EMX2: variants seen among roughly 807,000 people sequenced by gnomAD.
The protein encoded by EMX2 is homeobox protein EMX2.
Under a neutral mutation model 23.0 loss-of-function variants are expected in EMX2, and 6 were observed. The ratio of observed to expected loss-of-function variants is 0.26; its 90% CI spans 0.14 to 0.52. The LOEUF (loss-of-function observed/expected upper bound fraction) is 0.52, where lower values mean the gene tolerates loss of function less well. Ranked by LOEUF, EMX2 falls within the 20% of genes least tolerant of loss-of-function variation. The pLI, the probability that EMX2 is intolerant of heterozygous loss-of-function variation, is 0.97. For synonymous variants in EMX2, 175 were observed against 153.3 expected (o/e 1.14, Z -1.04); for missense variants, 302 against 341.4 (o/e 0.88, Z 0.91).
At chr10:117,547,752 C>T (rs949885424) in intron 2 of EMX2, among the ~76,000 whole-genome samples, 30 of 152,216 alleles carry the variant, frequency 2.0e-4, no homozygotes, top group African/African-American at 7.2e-4. Flanking sequence ...AGGCTTTGCT[C>T]TCAGCGGGAT....
intron 2 of EMX2, 151 bp downstream of exon 2, chr10:117,545,967 C>T (rs1846573483): frequency 8.8e-7 from 1 of 1,140,408 alleles, no homozygotes; most frequent in South Asian, 1.4e-5. Flanking sequence ...GGATGTATGT[C>T]TCAAGGTGCT....
intron 1 of EMX2, 101 bp from the exon 2 acceptor site, chr10:117,545,531 A>G: frequency 6.9e-7 from 1 of 1,446,624 alleles, no homozygotes; most frequent in South Asian, 1.2e-5. Context: ...CGGCTATGCG[A>G]AGGCCCTGAG....
intron 1 of EMX2, 122 bp downstream of exon 1, chr10:117,543,795 C>A (rs1363729193): frequency 6.7e-7 from 1 of 1,496,666 alleles, no homozygotes; most frequent in Non-Finnish European, 9.2e-7. Flanking sequence ...CGCGGGCCAG[C>A]GCGCCCTGTT....
chr10:117,547,969 T>A, intron 2 of EMX2, 96 bp from the exon 3 acceptor site: 2 of 1,514,684 alleles, frequency 1.3e-6, no homozygotes. Flanking sequence ...CTTTGCTGAG[T>A]CTGGAACTGG....
At chr10:117,546,474 G>C (rs913061016) in intron 2 of EMX2, among the ~76,000 whole-genome samples, 3 of 152,146 alleles carry the variant, frequency 2.0e-5, no homozygotes, top group Non-Finnish European at 2.9e-5. Flanking sequence ...TACTGTACAC[G>C]GAGCCGCAGG....
Position 117,543,293 on chromosome 10 carries a change from G to T in EMX2, c.26G>T (p.Cys9Phe). MFQPAPKR[C>F]FTIESLVAKD... ...ATGTTCCAGCCGGCGCCCAAGCGCT[G>T]CTTCACCATCGAGTCGCTGGTGGCC... The change falls in exon 1 of 3, where the codon TGC (cysteine) becomes TTC (phenylalanine). Residue 9 changes from cysteine to phenylalanine, a missense_variant. This residue lies in a region of EMX2 where 221 missense variants were observed against 206.8 expected (regional missense o/e 1.07). Transcript: ENST00000553456. 6.5e-7 allele frequency: 1 copy of T among 1,549,618 alleles called. No homozygotes were observed. Among genetic ancestry groups the T allele is most frequent in the Non-Finnish European group, 8.7e-7 (1 of 1,146,590 alleles).
intron 2 of EMX2, among the ~76,000 whole-genome samples, chr10:117,546,631 C>T (rs1030815850): frequency 6.6e-6 from 1 of 152,334 alleles, no homozygotes; most frequent in South Asian, 2.1e-4. Flanking sequence ...CGGGTTTGTG[C>T]GGAGCCCGGC....
intron 1 of EMX2, 99 bp downstream of exon 1, chr10:117,543,772 G>T: frequency 6.3e-7 from 1 of 1,582,390 alleles, no homozygotes; most frequent in Middle Eastern, 1.7e-4. Context: ...CCTGGGCGGA[G>T]GTTCCTCCGG....
At chr10:117,546,835 C>G (rs1233363315) in intron 2 of EMX2, among the ~76,000 whole-genome samples, 3 of 152,260 alleles carry the variant, frequency 2.0e-5, no homozygotes, top group East Asian at 3.8e-4. Flanking sequence ...AAATTAAATT[C>G]AGCCTTGTTC....
chr10:117,543,999 G>A (rs911055514), intron 1 of EMX2, among the ~76,000 whole-genome samples: 2 of 152,198 alleles, frequency 1.3e-5, no homozygotes, highest in Non-Finnish European at 2.9e-5. Context: ...CAGAGCCCGC[G>A]GGATCCCCAG....
In EMX2 at chr10:117,543,280, G is replaced by C. The variant is rs371549541; in HGVS notation, c.13G>C (p.Ala5Pro). 7.8e-6 allele frequency: 12 copies of C among 1,548,030 alleles called. No homozygotes were observed. The East Asian group carries it at 1.2e-4, about 16-fold the overall frequency. The change falls in exon 1 of 3, where the codon GCG becomes CCG. Residue 5 changes from alanine to proline, a missense_variant. Ala to Pro is a conservative substitution (Grantham distance 27). Transcript: ENST00000553456. MFQPAPKRCFTIESL... is the reference protein window; with the variant it reads MFQPPPKRCFTIESL... ...TCCTCGGCGCAGCATGTTCCAGCCG[G>C]CGCCCAAGCGCTGCTTCACCATCGA...
intron 2 of EMX2, among the ~76,000 whole-genome samples, chr10:117,546,080 A>G (rs538086841): frequency 1.3e-5 from 2 of 152,338 alleles, no homozygotes; most frequent in South Asian, 4.1e-4. Context: ...TGTCCTGGCT[A>G]AGACATCCCT....
rs1160797243 is a variant in EMX2 at position 117,549,065 on chromosome 10, G to C, written c.*833G>C. The C allele has an allele frequency of 1.9e-5, 3 of 157,874 alleles. No homozygotes were observed. The highest frequency in any genetic ancestry group is 7.2e-5 in the African/African-American group (3 of 41,470). The allele number at this position is 157,874 out of a possible 1,614,324, so 9.8% of individuals were successfully genotyped here. A position where few individuals can be genotyped will look rare whatever the true frequency, so the allele number is the denominator to read the frequency against. ...ACAGAGAAACGGGGAGCAGGACGACGGGGGGGCTGGGGGTGGCGGGGGAGG... is the reference window on the plus strand; with the variant it reads ...ACAGAGAAACGGGGAGCAGGACGACCGGGGGGCTGGGGGTGGCGGGGGAGG... On this transcript the variant is annotated 3_prime_UTR_variant, in exon 3 of 3. Coordinates refer to ENST00000553456, the MANE Select transcript of EMX2 (RefSeq NM_004098.4).
In EMX2 at chr10:117,543,229, A is replaced by G. The variant is rs1475859050; in HGVS notation, c.-39A>G. ...GCGGAGGCAGCGTGCGGCGGTCGCC[A>G]GGAGCTGGGAGCCCAGGGCGCCCGC... is the stretch of plus-strand genomic sequence containing the variant. On this transcript the variant is annotated 5_prime_UTR_variant, in exon 1 of 3. Coordinates refer to ENST00000553456, the MANE Select transcript of EMX2 (RefSeq NM_004098.4). 3 of 1,281,926 alleles carry G rather than the reference A, an allele frequency of 2.3e-6. No homozygotes were observed. Among genetic ancestry groups the G allele is most frequent in the Non-Finnish European group, 3.0e-6 (3 of 993,024 alleles). The allele number at this position is 1,281,926 out of a possible 1,614,324, so 79.4% of individuals were successfully genotyped here. A position where few individuals can be genotyped will look rare whatever the true frequency, so the allele number is the denominator to read the frequency against.
At position 117,543,230 on chromosome 10, in the gene EMX2, G is replaced by A. The variant is rs1167813703; in HGVS notation, c.-38G>A. ...CGGAGGCAGCGTGCGGCGGTCGCCA[G>A]GAGCTGGGAGCCCAGGGCGCCCGCT... On this transcript the variant is annotated 5_prime_UTR_variant, in exon 1 of 3. Transcript: ENST00000553456. 1.5e-6 allele frequency: 2 copies of A among 1,310,332 alleles called. No homozygotes were observed. Among genetic ancestry groups the A allele is most frequent in the Non-Finnish European group, 2.0e-6 (2 of 1,007,106 alleles). 81.2% of individuals were successfully genotyped at this position (1,310,332 alleles called of 1,614,324 possible). A position where few individuals can be genotyped will look rare whatever the true frequency, so the allele number is the denominator to read the frequency against.
chr10:117,543,301 A>T lies in EMX2; in HGVS notation c.34A>T (p.Ile12Phe). ...GCCGGCGCCCAAGCGCTGCTTCACC[A>T]TCGAGTCGCTGGTGGCCAAGGACAG... ...FQPAPKRCFT[I>F]ESLVAKDSPL... The change falls in exon 1 of 3, where the codon ATC becomes TTC. Residue 12 changes from isoleucine (I) to phenylalanine (F), a missense_variant. Physicochemically the swap from Ile to Phe is conservative, Grantham distance 21 (BLOSUM62 0). Transcript: ENST00000553456. 6.5e-7 allele frequency: 1 copy of T among 1,549,854 alleles called. No individual in the cohort carries two copies. The highest frequency in any genetic ancestry group is 8.7e-7 in the Non-Finnish European group (1 of 1,146,830).
intron 1 of EMX2, chr10:117,545,163 T>C (rs1029176748): frequency 1.3e-5 from 2 of 154,820 alleles, no homozygotes; most frequent in Non-Finnish European, 1.4e-5. Flanking sequence ...AATTTAAAAA[T>C]AAATCTCCAT....
chr10:117,543,251 C>T lies in EMX2; in HGVS notation c.-17C>T. On this transcript the variant is annotated 5_prime_UTR_variant, in exon 1 of 3. Transcript: ENST00000553456. ...GCCAGGAGCTGGGAGCCCAGGGCGCCCGCTCCTCGGCGCAGCATGTTCCAG... is the reference window on the plus strand; with the variant it reads ...GCCAGGAGCTGGGAGCCCAGGGCGCTCGCTCCTCGGCGCAGCATGTTCCAG... The T allele has an allele frequency of 6.5e-7, 1 of 1,532,986 alleles. No individual in the cohort carries two copies. The highest frequency in any genetic ancestry group is 8.8e-7 in the Non-Finnish European group (1 of 1,139,204). The allele number at this position is 1,532,986 out of a possible 1,614,324, so 95.0% of individuals were successfully genotyped here. A position where few individuals can be genotyped will look rare whatever the true frequency, so the allele number is the denominator to read the frequency against.
intron 1 of EMX2, 96 bp from the exon 2 acceptor site, chr10:117,545,536 C>A: frequency 6.6e-7 from 1 of 1,515,924 alleles, no homozygotes; most frequent in Non-Finnish European, 9.0e-7. Flanking sequence ...ATGCGAAGGC[C>A]CTGAGCACGG....
Sources: gnomAD v4.1 joint callset for allele counts (sites outside exome capture counted in the v4.1 genomes callset) on GRCh38, gnomAD v4.1.1 for gene constraint, gnomAD v4.1.1 regional missense constraint, MANE v1.5 for transcripts, NCBI Gene and HGNC (gene_info 2026-07-23, HGNC 2026-07-21) for gene names.